Variants in PCDH9 observed in about 807,000 individuals in gnomAD.
PCDH9 encodes protocadherin-9.
Under a neutral mutation model 70.6 loss-of-function variants are expected in PCDH9, and 24 were observed. The observed-to-expected ratio is 0.34, with a 90% CI of 0.25 to 0.48. The LOEUF (loss-of-function observed/expected upper bound fraction) is 0.48. PCDH9 is among the 20% of genes least tolerant of loss of function. The pLI is 0.99. For synonymous variants in PCDH9, 562 were observed against 558.5 expected (o/e 1.01, Z -0.09); for missense variants, 1,281 against 1,503.6 (o/e 0.85, Z 2.45).
At chr13:66,499,034 T>C (rs546679452) in intron 4 of PCDH9, among the ~76,000 whole-genome samples, 2 of 152,128 alleles carry the variant, frequency 1.3e-5, no homozygotes, top group South Asian at 4.2e-4. Context: ...CATTGTTTAC[T>C]TATATTCTGA....
intron 2 of PCDH9, among the ~76,000 whole-genome samples, chr13:67,114,849 C>A (rs1432231044): frequency 6.6e-6 from 1 of 152,046 alleles, no homozygotes; most frequent in Admixed American, 6.5e-5. Context: ...ATATTTTTTC[C>A]TTTGTATCTG....
At chr13:67,085,020 A>ATATATATG (rs1353990019) in intron 2 of PCDH9, among the ~76,000 whole-genome samples, 4 of 125,034 alleles carry the variant, frequency 3.2e-5, no homozygotes, top group African/African-American at 1.2e-4. Context: ...ATATATATAT[A>ATATATATG]TATGTATATG....
intron 3 of PCDH9, among the ~76,000 whole-genome samples, chr13:66,676,036 G>A (rs936434234): frequency 4.6e-5 from 7 of 152,204 alleles, no homozygotes; most frequent in South Asian, 4.1e-4. Context: ...GCATCTAGAC[G>A]ATTTTGACAT....
intron 4 of PCDH9, among the ~76,000 whole-genome samples, chr13:66,590,066 T>A (rs1336453488): frequency 6.6e-6 from 1 of 152,012 alleles, no homozygotes; most frequent in Non-Finnish European, 1.5e-5. Context: ...AGCAGAGTGT[T>A]ATGGATTTTG....
chr13:66,665,172 C>A (rs2078078606), intron 3 of PCDH9, among the ~76,000 whole-genome samples: 1 of 150,574 alleles, frequency 6.6e-6, no homozygotes, highest in Non-Finnish European at 1.5e-5. Context: ...AACAGTGAGA[C>A]CTCGCCTCAC....
At chr13:66,851,594 C>T (rs913683398) in intron 3 of PCDH9, among the ~76,000 whole-genome samples, 2 of 151,876 alleles carry the variant, frequency 1.3e-5, no homozygotes. Flanking sequence ...CACACACACA[C>T]ACACACACAC....
chr13:66,545,253 T>C (rs1961135328), intron 4 of PCDH9, among the ~76,000 whole-genome samples: 1 of 152,198 alleles, frequency 6.6e-6, no homozygotes, highest in African/African-American at 2.4e-5. Flanking sequence ...ACATATTTGT[T>C]TTATCCTGTT....
At chr13:66,964,771 C>A (rs2083404896) in intron 2 of PCDH9, among the ~76,000 whole-genome samples, 1 of 151,922 alleles carries the variant, frequency 6.6e-6, no homozygotes, top group African/African-American at 2.4e-5. Flanking sequence ...AATACCTATA[C>A]ATAAATACTC....
intron 2 of PCDH9, among the ~76,000 whole-genome samples, chr13:66,927,990 G>T (rs2082743415): frequency 6.6e-6 from 1 of 151,996 alleles, no homozygotes. Context: ...GGTCCTATTT[G>T]AACTCATATC....
chr13:66,345,617 T>C (rs1387489511), intron 4 of PCDH9, among the ~76,000 whole-genome samples: 1 of 152,174 alleles, frequency 6.6e-6, no homozygotes, highest in Non-Finnish European at 1.5e-5. Flanking sequence ...AAGTATTCCT[T>C]GTTTGTAAAT....
intron 2 of PCDH9, among the ~76,000 whole-genome samples, chr13:67,148,590 C>A (rs2087581165): frequency 6.6e-6 from 1 of 152,074 alleles, no homozygotes; most frequent in South Asian, 2.1e-4. Flanking sequence ...TTAATTACCA[C>A]TTTTCTGCAT....
chr13:67,225,468 G>A lies in PCDH9; in HGVS notation c.2973C>T (p.Phe991=). The A allele has an allele frequency of 6.2e-7, 1 of 1,614,060 alleles. No individual in the cohort carries two copies. The highest frequency in any genetic ancestry group is 8.5e-7 in the Non-Finnish European group (1 of 1,179,920). ...SKRSSTSSDH[F]SASECSSQGG... ...CTTGGGAACTGCACTCTGAGGCACT[G>A]AAGTGATCTGAACTAGTGGAAGAGC... Residue 991 remains phenylalanine, a synonymous_variant, in exon 2 of 5, where the codon TTC becomes TTT. Coordinates refer to ENST00000377865, the MANE Select transcript of PCDH9 (RefSeq NM_203487.3).
intron 3 of PCDH9, among the ~76,000 whole-genome samples, chr13:66,634,999 A>G (rs2077619386): frequency 6.6e-6 from 1 of 152,144 alleles, no homozygotes; most frequent in African/African-American, 2.4e-5. Context: ...TCCTTCCAGT[A>G]CATATATAAT....
chr13:66,942,133 C>A (rs928716324), intron 2 of PCDH9, among the ~76,000 whole-genome samples: 2 of 151,568 alleles, frequency 1.3e-5, no homozygotes, highest in Non-Finnish European at 3.0e-5. Flanking sequence ...AATAAAATTA[C>A]AACATATCAA....
intron 4 of PCDH9, among the ~76,000 whole-genome samples, chr13:66,311,671 C>T (rs1955564688): frequency 6.6e-6 from 1 of 152,108 alleles, no homozygotes; most frequent in Non-Finnish European, 1.5e-5. Context: ...AATAGTTCAG[C>T]ATTGCCCTCA....
chr13:67,126,693 A>G (rs2086987934), intron 2 of PCDH9, among the ~76,000 whole-genome samples: 1 of 152,166 alleles, frequency 6.6e-6, no homozygotes, highest in Non-Finnish European at 1.5e-5. Context: ...TACTAAAAAT[A>G]CAAAAGATTA....
At chr13:66,627,713 G>A (rs539609141) in intron 4 of PCDH9, among the ~76,000 whole-genome samples, 1 of 152,274 alleles carries the variant, frequency 6.6e-6, no homozygotes, top group East Asian at 1.9e-4. Context: ...TGTGAGTGAC[G>A]TCACTGTGCT....
chr13:66,547,612 C>A (rs1384862785), intron 4 of PCDH9, among the ~76,000 whole-genome samples: 1 of 151,928 alleles, frequency 6.6e-6, no homozygotes, highest in Non-Finnish European at 1.5e-5. Flanking sequence ...GTTAAATATG[C>A]CCATGATAGT....
At chr13:67,159,790 A>G (rs1284402411) in intron 2 of PCDH9, among the ~76,000 whole-genome samples, 1 of 152,240 alleles carries the variant, frequency 6.6e-6, no homozygotes, top group Non-Finnish European at 1.5e-5. Flanking sequence ...CGAACCTGAC[A>G]TTGAAAACAA....
Sources: allele counts gnomAD v4.1 joint callset (sites outside exome capture counted in the v4.1 genomes callset), GRCh38; gene constraint gnomAD v4.1.1; transcripts MANE v1.5; gene names NCBI Gene and HGNC (gene_info 2026-07-23, HGNC 2026-07-21).